PCDHA4: variants seen among roughly 807,000 people sequenced by gnomAD.
The protein encoded by PCDHA4 is protocadherin alpha 4.
A neutral mutation model predicts 61.4 loss-of-function variants in PCDHA4; 49 were observed. That is an observed-to-expected ratio of 0.80 (90% CI 0.63 to 1.01). PCDHA4 has a LOEUF of 1.01. Among genes scored for constraint, PCDHA4 ranks in the 50% least tolerant of loss-of-function variants. The pLI is 0.00. For missense variants in PCDHA4, 1,254 were observed against 1,235.8 expected (o/e 1.01, Z -0.22); for synonymous variants, 590 against 550.3 (o/e 1.07, Z -1.01).
chr5:140,947,347 G>A (rs1554218167), intron 1 of PCDHA4, among the ~76,000 whole-genome samples: 1 of 151,534 alleles, frequency 6.6e-6, no homozygotes, highest in Non-Finnish European at 1.5e-5. Context: ...CTTAATTCTG[G>A]ACTCTATTTC....
chr5:140,883,092 G>C (rs782675726), intron 1 of PCDHA4: 2 of 1,614,108 alleles, frequency 1.2e-6, no homozygotes, highest in Non-Finnish European at 1.7e-6. Flanking sequence ...GGTACAAATG[G>C]AGATATAGTT....
rs377441374 is a variant in PCDHA4, at chr5:140,884,065, C to T, written c.2385+74493C>T. The T allele has an allele frequency of 3.7e-6, 6 of 1,613,346 alleles. No individual in the cohort carries two copies. The African/African-American group carries it at 5.3e-5, about 14-fold the overall frequency. ...TGGCGAAGGTGCGCGCGGTGGACGC[C>T]GATTCGGGCTACAATGCGTGGCTTT... is the stretch of plus-strand genomic sequence containing the variant. On this transcript the variant is annotated intron_variant, in intron 1 of 3. Transcript: ENST00000530339.
intron 1 of PCDHA4, among the ~76,000 whole-genome samples, chr5:140,947,600 G>A (rs1328645188): frequency 1.3e-5 from 2 of 151,624 alleles, no homozygotes; most frequent in African/African-American, 4.8e-5. Flanking sequence ...ATTTAGGGAA[G>A]ATTTGGTATC....
intron 3 of PCDHA4, among the ~76,000 whole-genome samples, chr5:140,987,400 C>T (rs1554249169): frequency 1.3e-5 from 2 of 152,090 alleles, no homozygotes; most frequent in Middle Eastern, 3.2e-3. Context: ...AGGAAGCCAT[C>T]TGTTTATGGT....
chr5:140,843,004 C>T (rs2150349830), intron 1 of PCDHA4: 21 of 1,595,032 alleles, frequency 1.3e-5, no homozygotes, highest in Admixed American at 1.0e-4. Flanking sequence ...AGAATGACAA[C>T]GCGCCGGCAC....
At chr5:140,927,290 T>C in intron 1 of PCDHA4, 1 of 1,614,054 alleles carries the variant, frequency 6.2e-7, no homozygotes, top group South Asian at 1.1e-5. Flanking sequence ...CAGCTGCACA[T>C]CCCCGAGTTC....
intron 1 of PCDHA4, chr5:140,834,548 G>T (rs1264423031): frequency 1.2e-6 from 2 of 1,613,978 alleles, no homozygotes; most frequent in African/African-American, 2.7e-5. Context: ...TGGGGCTGGA[G>T]CTGGCGGAGC....
intron 1 of PCDHA4, among the ~76,000 whole-genome samples, chr5:140,838,280 A>ATTTTTTTT (rs34299325): frequency 2.9e-5 from 4 of 139,572 alleles, no homozygotes; most frequent in African/African-American, 8.2e-5. Flanking sequence ...AGCCATGCTA[A>ATTTTTTTT]TTTTTTTTTT....
intron 1 of PCDHA4, 92 bp downstream of exon 1, chr5:140,809,664 G>A (rs1554125341): frequency 2.0e-6 from 3 of 1,474,750 alleles, no homozygotes; most frequent in Non-Finnish European, 2.7e-6. Context: ...AATTTCCCTG[G>A]GTTAAAATTT....
intron 1 of PCDHA4, chr5:140,926,257 C>T (rs888723043): frequency 5.2e-5 from 8 of 152,418 alleles, no homozygotes; most frequent in African/African-American, 1.4e-4. Context: ...ACCGTCCCGC[C>T]TCTCGCCGCC....
intron 1 of PCDHA4, among the ~76,000 whole-genome samples, chr5:140,905,257 C>T (rs920530176): frequency 6.6e-6 from 1 of 152,168 alleles, no homozygotes; most frequent in African/African-American, 2.4e-5. Context: ...CCACATGAGG[C>T]TTGGCAGTTA....
At chr5:140,847,063 C>T (rs1366357065) in intron 1 of PCDHA4, among the ~76,000 whole-genome samples, 2 of 149,510 alleles carry the variant, frequency 1.3e-5, no homozygotes, top group Non-Finnish European at 3.0e-5. Flanking sequence ...CAGAAAGCAT[C>T]AATATGACAA....
Position 140,842,949 on chromosome 5 carries a change from C to T in PCDHA4, c.2385+33377C>T. On this transcript the variant is annotated intron_variant, in intron 1 of 3. Coordinates refer to ENST00000530339, the MANE Select transcript of PCDHA4 (RefSeq NM_018907.4). Reference sequence around the variant, plus strand: ...GTGAGCGCGCGCGACGCGGGCGTGCCGCCTCTGGGCAGCAACGTGACGCTG... The same window carrying T: ...GTGAGCGCGCGCGACGCGGGCGTGCTGCCTCTGGGCAGCAACGTGACGCTG... The T allele has an allele frequency of 3.1e-6, 5 of 1,594,666 alleles. 1 individual carries two copies. The highest frequency in any genetic ancestry group is 4.3e-6 in the Non-Finnish European group (5 of 1,165,460).
intron 1 of PCDHA4, among the ~76,000 whole-genome samples, chr5:140,977,672 A>G (rs1404527905): frequency 6.6e-6 from 1 of 152,202 alleles, no homozygotes; most frequent in East Asian, 1.9e-4. Flanking sequence ...TGCATGCCAA[A>G]TATCATGTAG....
At chr5:140,966,603 G>A (rs567686852) in intron 1 of PCDHA4, 9 of 656,454 alleles carry the variant, frequency 1.4e-5, no homozygotes, top group African/African-American at 1.3e-4. Flanking sequence ...AGGAGCCCTT[G>A]GGAGGGCCTA....
Position 140,812,492 on chromosome 5 carries a change from T to C in PCDHA4, c.2385+2920T>C, listed in dbSNP as rs2126639382. 41 of 152,288 alleles carry C rather than the reference T, an allele frequency of 2.7e-4. No homozygotes were observed. In the East Asian group the frequency reaches 6.7e-3, roughly 25 times the overall value. The allele number at this position is 152,288 out of a possible 1,614,324, so 9.4% of individuals were successfully genotyped here. A position where few individuals can be genotyped will look rare whatever the true frequency, so the allele number is the denominator to read the frequency against. On this transcript the variant is annotated intron_variant, in intron 1 of 3. Coordinates refer to ENST00000530339, the MANE Select transcript of PCDHA4 (RefSeq NM_018907.4). ...TTTATTTTTGCTCTAATCTTTATTA[T>C]AGTATTTCCTCCCTTTGCTTTGGGC...
At chr5:140,948,313 G>T (rs1554218515) in intron 1 of PCDHA4, among the ~76,000 whole-genome samples, 2 of 151,362 alleles carry the variant, frequency 1.3e-5, no homozygotes, top group Non-Finnish European at 3.0e-5. Flanking sequence ...TCTTCTTGAG[G>T]GGTAATGTTT....
At chr5:140,852,630 T>C in intron 1 of PCDHA4, 1 of 954,540 alleles carries the variant, frequency 1.0e-6, no homozygotes, top group Non-Finnish European at 1.3e-6. Context: ...GTCTCTGAGC[T>C]CCTGTCATTA....
intron 1 of PCDHA4, among the ~76,000 whole-genome samples, chr5:140,970,092 A>C (rs1554232243): frequency 6.6e-6 from 1 of 151,978 alleles, no homozygotes; most frequent in East Asian, 1.9e-4. Context: ...GTGTGGGGGG[A>C]TGGTGAAGAC....
Sources: gnomAD v4.1 joint callset for allele counts (sites outside exome capture counted in the v4.1 genomes callset) on GRCh38, gnomAD v4.1.1 for gene constraint, MANE v1.5 for transcripts, NCBI Gene and HGNC (gene_info 2026-07-23, HGNC 2026-07-21) for gene names.